Variants in PCDH9 observed in about 807,000 individuals in gnomAD.
PCDH9 encodes protocadherin-9.
PCDH9 carries 24 observed loss-of-function variants against 70.6 expected under a neutral mutation model. The observed-to-expected ratio is 0.34, with a 90% confidence interval of 0.25 to 0.48. The LOEUF (loss-of-function observed/expected upper bound fraction) is 0.48. Ranked by LOEUF, PCDH9 falls within the 20% of genes least tolerant of loss-of-function variation. PCDH9 has a pLI of 0.99. For synonymous variants in PCDH9, 562 were observed against 558.5 expected (o/e 1.01, Z -0.09); for missense variants, 1,281 against 1,503.6 (o/e 0.85, Z 2.45).
At chr13:66,936,703 A>G (rs2082921451) in intron 2 of PCDH9, among the ~76,000 whole-genome samples, 1 of 152,230 alleles carries the variant, frequency 6.6e-6, no homozygotes, top group Admixed American at 6.5e-5. Context: ...ATATAATAAT[A>G]GAAGCAATGA....
At chr13:66,870,178 G>A (rs1426128056) in intron 3 of PCDH9, among the ~76,000 whole-genome samples, 1 of 152,052 alleles carries the variant, frequency 6.6e-6, no homozygotes, top group Non-Finnish European at 1.5e-5. Flanking sequence ...ATTAAATGGG[G>A]AATCCTTTCC....
At chr13:66,981,235 A>C (rs572295629) in intron 2 of PCDH9, among the ~76,000 whole-genome samples, 1 of 152,142 alleles carries the variant, frequency 6.6e-6, no homozygotes, top group Non-Finnish European at 1.5e-5. Flanking sequence ...TGCGGAGATC[A>C]AGACCATCGT....
chr13:66,356,983 G>A (rs895745148), intron 4 of PCDH9, among the ~76,000 whole-genome samples: 2 of 151,904 alleles, frequency 1.3e-5, no homozygotes, highest in Non-Finnish European at 2.9e-5. Flanking sequence ...TTTAAAGCCC[G>A]CCTTTCCATT....
intron 2 of PCDH9, chr13:67,209,221 C>G (rs2089420625): frequency 6.6e-6 from 1 of 152,116 alleles, no homozygotes; most frequent in African/African-American, 2.4e-5. Context: ...CATTGGCGCA[C>G]TTGGAAGACC....
intron 3 of PCDH9, among the ~76,000 whole-genome samples, chr13:66,714,739 A>G (rs527514000): frequency 2.0e-5 from 3 of 152,308 alleles, no homozygotes; most frequent in African/African-American, 7.2e-5. Flanking sequence ...GAGTTAGGTT[A>G]TTAAGGTAAG....
At chr13:66,513,263 T>A (rs904867539) in intron 4 of PCDH9, among the ~76,000 whole-genome samples, 1 of 151,640 alleles carries the variant, frequency 6.6e-6, no homozygotes, top group East Asian at 1.9e-4. Flanking sequence ...TTTTCTTGTA[T>A]CCTTTTATTA....
intron 4 of PCDH9, among the ~76,000 whole-genome samples, chr13:66,436,992 T>C (rs1957878415): frequency 6.6e-6 from 1 of 151,504 alleles, no homozygotes; most frequent in African/African-American, 2.4e-5. Context: ...CTTTGTTGTA[T>C]GTCAAAGGAA....
chr13:66,444,995 G>T (rs1167896891), intron 4 of PCDH9, among the ~76,000 whole-genome samples: 2 of 147,056 alleles, frequency 1.4e-5, no homozygotes, highest in Non-Finnish European at 3.0e-5. Flanking sequence ...GAAAATATTA[G>T]CATATTAGAA....
intron 3 of PCDH9, among the ~76,000 whole-genome samples, chr13:66,895,999 AG>A (rs772615005): frequency 9.2e-5 from 14 of 152,202 alleles, no homozygotes; most frequent in Non-Finnish European, 1.8e-4. Context: ...ACTAATTAGC[AG>A]GAGCTGGGCC....
intron 2 of PCDH9, chr13:66,985,665 T>G (rs1381985593): frequency 6.6e-6 from 1 of 152,130 alleles, no homozygotes; most frequent in African/African-American, 2.4e-5. Flanking sequence ...CATGCTCAGC[T>G]GCTGTACTGT....
chr13:66,672,654 G>A (rs1387550558), intron 3 of PCDH9, among the ~76,000 whole-genome samples: 4 of 152,226 alleles, frequency 2.6e-5, no homozygotes, highest in African/African-American at 4.8e-5. Context: ...AAGCAGTTGG[G>A]AGGGGGGCTG....
intron 3 of PCDH9, among the ~76,000 whole-genome samples, chr13:66,712,357 C>T (rs926574242): frequency 6.6e-6 from 1 of 151,928 alleles, no homozygotes; most frequent in Non-Finnish European, 1.5e-5. Context: ...TATTTATTTG[C>T]TACTCAGCTT....
chr13:66,321,257 C>T (rs948766144), intron 4 of PCDH9, among the ~76,000 whole-genome samples: 3 of 152,034 alleles, frequency 2.0e-5, no homozygotes, highest in African/African-American at 4.8e-5. Context: ...CATTAGATCT[C>T]TCTATTTGTT....
At chr13:67,180,869 G>A (rs1416295819) in intron 2 of PCDH9, among the ~76,000 whole-genome samples, 3 of 152,080 alleles carry the variant, frequency 2.0e-5, no homozygotes, top group East Asian at 1.9e-4. Context: ...TTATGATGCT[G>A]GCTCATGTTC....
intron 2 of PCDH9, among the ~76,000 whole-genome samples, chr13:66,980,583 C>A (rs1209629992): frequency 6.6e-6 from 1 of 151,732 alleles, no homozygotes; most frequent in Non-Finnish European, 1.5e-5. Flanking sequence ...GTCCCTTTAC[C>A]CTTTCTCATA....
chr13:66,777,153 A>G (rs928045275), intron 3 of PCDH9, among the ~76,000 whole-genome samples: 5 of 152,012 alleles, frequency 3.3e-5, no homozygotes, highest in South Asian at 2.1e-4. Context: ...AGACTTAAAC[A>G]TTAGACCTAA....
chr13:66,545,743 A>G (rs188167259), intron 4 of PCDH9, among the ~76,000 whole-genome samples: 50 of 152,258 alleles, frequency 3.3e-4, no homozygotes, highest in African/African-American at 1.1e-3. Flanking sequence ...GTACTTGATA[A>G]TGATAATAAT....
chr13:67,174,658 A>T (rs1281528252), intron 2 of PCDH9, among the ~76,000 whole-genome samples: 1 of 152,122 alleles, frequency 6.6e-6, no homozygotes, highest in East Asian at 1.9e-4. Flanking sequence ...TGTCAAATTG[A>T]TGTTTAATGA....
intron 3 of PCDH9, among the ~76,000 whole-genome samples, chr13:66,719,509 C>T (rs1479885278): frequency 6.6e-6 from 1 of 152,146 alleles, no homozygotes; most frequent in Non-Finnish European, 1.5e-5. Context: ...AGGGTGAGCT[C>T]TCATGAGACA....
Sources: allele counts gnomAD v4.1 joint callset (sites outside exome capture counted in the v4.1 genomes callset), GRCh38; gene constraint gnomAD v4.1.1; transcripts MANE v1.5; gene names NCBI Gene and HGNC (gene_info 2026-07-23, HGNC 2026-07-21).